CDKAL1: variants seen among roughly 807,000 people sequenced by gnomAD.
CDKAL1 encodes threonylcarbamoyladenosine tRNA methylthiotransferase.
A neutral mutation model predicts 68.2 loss-of-function variants in CDKAL1; 32 were observed. The observed-to-expected ratio is 0.47, with a 90% CI of 0.35 to 0.63. CDKAL1 has a LOEUF of 0.63. Among genes scored for constraint, CDKAL1 ranks in the 30% least tolerant of loss-of-function variants. The probability of loss-of-function intolerance (pLI) is 0.00; values close to 1 mark genes in which losing one functional copy is unlikely to be tolerated. For missense variants in CDKAL1, 606 were observed against 696.7 expected, an observed-to-expected ratio of 0.87 and a Z score of 1.47; for synonymous variants, 234 against 244.3, an observed-to-expected ratio of 0.96 and a Z score of 0.39.
intron 5 of CDKAL1, among the ~76,000 whole-genome samples, chr6:20,726,182 A>C (rs969997516): frequency 3.9e-5 from 6 of 152,028 alleles, no homozygotes; most frequent in Non-Finnish European, 5.9e-5. Context: ...CTGCAGAATA[A>C]CCTTGGTCTC....
chr6:20,588,014 T>G (rs1456688391), intron 4 of CDKAL1, among the ~76,000 whole-genome samples: 1 of 151,826 alleles, frequency 6.6e-6, no homozygotes, highest in Admixed American at 6.6e-5. Context: ...GAGGATGGCT[T>G]GAAGCCTGGG....
At chr6:20,596,640 C>G (rs1183137044) in intron 4 of CDKAL1, among the ~76,000 whole-genome samples, 1 of 152,214 alleles carries the variant, frequency 6.6e-6, no homozygotes, top group Non-Finnish European at 1.5e-5. Flanking sequence ...ACTTGGCTCC[C>G]TGGCTTCAGC....
At chr6:20,696,358 G>C (rs1299223119) in intron 5 of CDKAL1, among the ~76,000 whole-genome samples, 8 of 152,128 alleles carry the variant, frequency 5.3e-5, no homozygotes, top group Non-Finnish European at 1.2e-4. Context: ...GAGCTTTTAG[G>C]GTTAGACTGT....
chr6:20,844,636 G>A (rs1281612926), intron 8 of CDKAL1, among the ~76,000 whole-genome samples: 1 of 151,290 alleles, frequency 6.6e-6, no homozygotes, highest in Non-Finnish European at 1.5e-5. Context: ...GGTCGCTTGA[G>A]CCCAGGAGTT....
chr6:20,898,377 C>T (rs1203998595), intron 9 of CDKAL1, among the ~76,000 whole-genome samples: 1 of 149,702 alleles, frequency 6.7e-6, no homozygotes, highest in Non-Finnish European at 1.5e-5. Context: ...GATTGTGTAG[C>T]CGTCTCCGGT....
rs71540611 is a variant in CDKAL1 at position 21,072,554 on chromosome 6, C to CAAAAAAAA, written c.1236+7345_1236+7352dup. On this transcript the variant is annotated intron_variant, in intron 12 of 15. Coordinates refer to ENST00000274695, the MANE Select transcript of CDKAL1 (RefSeq NM_017774.3). ...TGGGCGACTGAGCGAGACTCCGTCT[C>CAAAAAAAA]AAAAAAAAAAAAAAAAAAAAAAAAA... 5.8e-4 allele frequency among the ~76,000 whole-genome samples: 26 copies of CAAAAAAAA among 44,488 alleles called. 4 individuals carry two copies. Among genetic ancestry groups the CAAAAAAAA allele is most frequent in the South Asian group, 1.5e-3 (1 of 688 alleles). The allele number at this position is 44,488 out of a possible 152,430, so 29.2% of individuals were successfully genotyped here.
chr6:20,799,053 T>G (rs1169534526), intron 8 of CDKAL1, among the ~76,000 whole-genome samples: 2 of 118,342 alleles, frequency 1.7e-5, no homozygotes, highest in African/African-American at 3.3e-5. Flanking sequence ...TTTTTTTTTT[T>G]TTTTTTTTTT....
intron 10 of CDKAL1, among the ~76,000 whole-genome samples, chr6:20,992,490 A>G (rs1208900661): frequency 6.6e-6 from 1 of 152,176 alleles, no homozygotes. Flanking sequence ...TGTGGGTGAA[A>G]CTTGCTTTGC....
At chr6:21,204,459 T>C (rs1464517958) in intron 15 of CDKAL1, among the ~76,000 whole-genome samples, 1 of 152,190 alleles carries the variant, frequency 6.6e-6, no homozygotes, top group African/African-American at 2.4e-5. Flanking sequence ...ACAAACATAA[T>C]CCCAATATAT....
rs183204355 is a variant in CDKAL1 at position 20,727,298 on chromosome 6, A to G, written c.372-12221A>G. 5.9e-5 allele frequency among the ~76,000 whole-genome samples: 9 copies of G among 152,326 alleles called. No homozygotes were observed. In the East Asian group the frequency reaches 7.7e-4, roughly 13 times the overall value. The stretch of plus-strand genomic sequence containing the variant: ...CTCTTAGGCTCAGTAGCTGGGGTCT[A>G]TGAATCAAAATGATAAAGGACAGAT... On this transcript the variant is annotated intron_variant, in intron 5 of 15. Coordinates refer to ENST00000274695, the MANE Select transcript of CDKAL1 (RefSeq NM_017774.3).
chr6:20,908,326 A>G (rs972254892), intron 9 of CDKAL1, among the ~76,000 whole-genome samples: 1 of 152,258 alleles, frequency 6.6e-6, no homozygotes, highest in African/African-American at 2.4e-5. Context: ...GTCTGTATTT[A>G]TCACATTTGG....
chr6:21,141,375 G>A lies in CDKAL1; in HGVS notation c.1299+32912G>A, dbSNP rs564034089. On this transcript the variant is annotated intron_variant, in intron 13 of 15. Transcript: ENST00000274695. The stretch of plus-strand genomic sequence containing the variant: ...AGCCTGGAATATGTGGCATCTTTAC[G>A]TGCCTTCAAAGCACTCTGTGCTTCC... Among the ~76,000 whole-genome samples the A allele has an allele frequency of 5.3e-5, 8 of 152,226 alleles. 1 individual carries two copies. The East Asian group carries it at 5.8e-4, about 11-fold the overall frequency.
At chr6:20,771,259 C>G (rs768931290) in intron 7 of CDKAL1, among the ~76,000 whole-genome samples, 1 of 152,156 alleles carries the variant, frequency 6.6e-6, no homozygotes, top group Non-Finnish European at 1.5e-5. Context: ...TTATTTCACT[C>G]TTGCCATTTC....
chr6:21,175,390 T>C (rs779770892), intron 13 of CDKAL1, among the ~76,000 whole-genome samples: 7 of 152,134 alleles, frequency 4.6e-5, no homozygotes, highest in Admixed American at 6.5e-5. Flanking sequence ...TAAATTTGCT[T>C]TCCAAATAAA....
chr6:21,002,574 A>G (rs1028850809), intron 11 of CDKAL1, among the ~76,000 whole-genome samples: 1 of 151,926 alleles, frequency 6.6e-6, no homozygotes, highest in African/African-American at 2.4e-5. Flanking sequence ...AGTAAGATAT[A>G]TTGCAAAACT....
intron 3 of CDKAL1, among the ~76,000 whole-genome samples, chr6:20,547,467 A>G (rs142432057): frequency 2.0e-5 from 3 of 152,296 alleles, no homozygotes; most frequent in Admixed American, 2.0e-4. Context: ...GCACAAATAA[A>G]TTATTGCCCT....
intron 4 of CDKAL1, 140 bp downstream of exon 4, chr6:20,548,845 A>C (rs1200660323): frequency 1.9e-6 from 1 of 524,186 alleles, no homozygotes; most frequent in African/African-American, 2.0e-5. Flanking sequence ...CATTTTGTAG[A>C]TAACCATGGA....
At position 20,926,062 on chromosome 6, in the gene CDKAL1, A is replaced by G. The variant is rs190203145; in HGVS notation, c.743-29357A>G. ...AAGATGATATTGTTAGCTTGGAACA[A>G]TATTGCCTTTTATTTAGTAAACAAT... On this transcript the variant is annotated intron_variant, in intron 9 of 15. Transcript: ENST00000274695. Among the ~76,000 whole-genome samples the G allele has an allele frequency of 2.3e-3, 356 of 152,296 alleles. 1 individual carries two copies. Among genetic ancestry groups the G allele is most frequent in the Middle Eastern group, 0.01 (3 of 294 alleles).
At chr6:21,045,663 G>C (rs796397565) in intron 11 of CDKAL1, among the ~76,000 whole-genome samples, 13 of 152,298 alleles carry the variant, frequency 8.5e-5, no homozygotes, top group African/African-American at 2.9e-4. Context: ...TAAAGCACTA[G>C]GAGTCAGAGA....
Sources: gnomAD v4.1 joint callset for allele counts (sites outside exome capture counted in the v4.1 genomes callset) on GRCh38, gnomAD v4.1.1 for gene constraint, MANE v1.5 for transcripts, NCBI Gene and HGNC (gene_info 2026-07-23, HGNC 2026-07-21) for gene names.